The following SLIT3 variants were observed in gnomAD, a reference collection of about 807,000 sequenced individuals.
SLIT3 encodes slit guidance ligand 3.
Under a neutral mutation model 184.0 loss-of-function variants are expected in SLIT3, and 68 were observed. The ratio of observed to expected loss-of-function variants is 0.37; its 90% CI spans 0.30 to 0.45. SLIT3 has a LOEUF of 0.45. Among genes scored for constraint, SLIT3 ranks in the 20% least tolerant of loss-of-function variants. The pLI, the probability that SLIT3 is intolerant of heterozygous loss-of-function variation, is 1.00. For missense variants in SLIT3, 1,707 were observed against 2,026.0 expected (o/e 0.84, Z 3.02); for synonymous variants, 831 against 828.6 (o/e 1.00, Z -0.05).
intron 4 of SLIT3, among the ~76,000 whole-genome samples, chr5:168,924,870 A>G (rs1459504151): frequency 1.4e-4 from 22 of 152,148 alleles, no homozygotes; most frequent in Non-Finnish European, 1.5e-5. Context: ...CAAGAAACCA[A>G]CGAGCAGGTA....
intron 32 of SLIT3, among the ~76,000 whole-genome samples, chr5:168,682,250 C>A (rs566046720): frequency 7.2e-5 from 11 of 152,348 alleles, no homozygotes; most frequent in African/African-American, 2.6e-4. Context: ...TTTCTTTGCT[C>A]CTCATCTGTC....
In SLIT3 at chr5:168,665,896, T is replaced by C. The variant is rs2113147985; in HGVS notation, c.*558A>G. On this transcript the variant is annotated 3_prime_UTR_variant, in exon 36 of 36. Transcript: ENST00000519560. ...CATTTTGGGCACTGACATCCAGGAC[T>C]CCGAAAAGCTGGGTAATTTTAGGGG... 1.3e-5 allele frequency: 2 copies of C among 152,250 alleles called. No homozygotes were observed. The highest frequency in any genetic ancestry group is 6.5e-5 in the Admixed American group (1 of 15,296). The allele number at this position is 152,250 out of a possible 1,614,324, so 9.4% of individuals were successfully genotyped here. A position where few individuals can be genotyped will look rare whatever the true frequency, so the allele number is the denominator to read the frequency against.
chr5:168,775,280 T>C (rs1490292113), intron 12 of SLIT3, among the ~76,000 whole-genome samples: 2 of 152,092 alleles, frequency 1.3e-5, no homozygotes, highest in Admixed American at 1.3e-4. Flanking sequence ...CCAGGTGACC[T>C]GCCTGCCTTG....
intron 2 of SLIT3, among the ~76,000 whole-genome samples, chr5:169,250,819 C>T (rs1765750532): frequency 6.8e-6 from 1 of 147,598 alleles, no homozygotes; most frequent in Non-Finnish European, 1.5e-5. Context: ...AGTTTCTTAT[C>T]ACTCACAGAC....
At chr5:168,930,003 G>A (rs906580783) in intron 4 of SLIT3, among the ~76,000 whole-genome samples, 22 of 152,190 alleles carry the variant, frequency 1.4e-4, no homozygotes, top group Non-Finnish European at 2.8e-4. Context: ...GACTCAGTGA[G>A]CCCACGGACT....
chr5:168,932,345 AAG>A (rs1353578794), intron 4 of SLIT3, among the ~76,000 whole-genome samples: 1 of 77,936 alleles, frequency 1.3e-5, no homozygotes, highest in Non-Finnish European at 2.4e-5. Context: ...AGAGGGGAAA[AAG>A]ACACACACAC....
chr5:169,285,966 C>A, intron 1 of SLIT3, among the ~76,000 whole-genome samples: 1 of 152,188 alleles, frequency 6.6e-6, no homozygotes, highest in East Asian at 1.9e-4. Flanking sequence ...AAATGGTTGT[C>A]ACTTTAGAAC....
chr5:169,227,290 TA>T (rs907697109), intron 3 of SLIT3, among the ~76,000 whole-genome samples: 4 of 152,334 alleles, frequency 2.6e-5, no homozygotes, highest in African/African-American at 9.6e-5. Context: ...AGGATGATGA[TA>T]TAGTTAATGG....
intron 33 of SLIT3, 36 bp from the exon 34 acceptor site, chr5:168,671,519 C>T: frequency 6.3e-7 from 1 of 1,581,426 alleles, no homozygotes; most frequent in Non-Finnish European, 8.6e-7. Context: ...GCCTGAAGAC[C>T]CTCCCCTGCC....
intron 24 of SLIT3, among the ~76,000 whole-genome samples, chr5:168,711,583 C>T (rs1762561383): frequency 6.6e-6 from 1 of 151,884 alleles, no homozygotes; most frequent in South Asian, 2.1e-4. Flanking sequence ...TTAGAATATG[C>T]ATACGTAGTA....
intron 3 of SLIT3, among the ~76,000 whole-genome samples, chr5:169,240,513 A>G: frequency 6.7e-6 from 1 of 149,512 alleles, no homozygotes. Context: ...TATTTTCTTT[A>G]AAGTCTATAT....
chr5:168,787,950 G>C (rs1212235062), intron 11 of SLIT3, among the ~76,000 whole-genome samples: 1 of 151,780 alleles, frequency 6.6e-6, no homozygotes, highest in Non-Finnish European at 1.5e-5. Flanking sequence ...GTACACAGTA[G>C]GCATCTACTG....
chr5:169,002,109 T>C (rs756188613), intron 4 of SLIT3, among the ~76,000 whole-genome samples: 1 of 149,994 alleles, frequency 6.7e-6, no homozygotes, highest in Non-Finnish European at 1.5e-5. Context: ...AGGTCAGGAG[T>C]TCGGGAACAG....
chr5:168,924,052 T>C (rs1178897753), intron 4 of SLIT3, among the ~76,000 whole-genome samples: 4 of 152,218 alleles, frequency 2.6e-5, no homozygotes, highest in South Asian at 2.1e-4. Flanking sequence ...ACAGAATGGG[T>C]TTGCCAACCA....
At chr5:168,670,075 C>T (rs1017632327) in intron 34 of SLIT3, 84 bp from the exon 35 acceptor site, 15 of 1,166,426 alleles carry the variant, frequency 1.3e-5, no homozygotes, top group Admixed American at 1.9e-5. Flanking sequence ...AGCCAGGGAC[C>T]AGGGGACCCG....
chr5:169,044,232 T>C (rs551179309), intron 4 of SLIT3, among the ~76,000 whole-genome samples: 1 of 152,302 alleles, frequency 6.6e-6, no homozygotes, highest in East Asian at 1.9e-4. Context: ...AGTTTGGCAG[T>C]TCCTCAGAAA....
intron 4 of SLIT3, among the ~76,000 whole-genome samples, chr5:168,903,493 C>T (rs1369533231): frequency 6.6e-6 from 1 of 152,176 alleles, no homozygotes; most frequent in East Asian, 1.9e-4. Flanking sequence ...GGCTTTGCAG[C>T]ATGATGCCAA....
intron 3 of SLIT3, among the ~76,000 whole-genome samples, chr5:169,224,154 T>C (rs1038173978): frequency 6.6e-6 from 1 of 152,144 alleles, no homozygotes; most frequent in African/African-American, 2.4e-5. Flanking sequence ...GGGTCCTTTT[T>C]TTAACTGGTA....
chr5:169,299,905 C>T (rs1258021935), intron 1 of SLIT3, among the ~76,000 whole-genome samples: 2 of 152,170 alleles, frequency 1.3e-5, no homozygotes, highest in African/African-American at 2.4e-5. Flanking sequence ...AAAATTCACC[C>T]GGGGCTGCAA....
Sources: allele counts gnomAD v4.1 joint callset (sites outside exome capture counted in the v4.1 genomes callset), GRCh38; gene constraint gnomAD v4.1.1; transcripts MANE v1.5; gene names NCBI Gene and HGNC (gene_info 2026-07-23, HGNC 2026-07-21).